EIF4E2: variants seen among roughly 807,000 people sequenced by gnomAD.
EIF4E2 encodes the protein eukaryotic translation initiation factor 4E family member 2.
In EIF4E2, 13 loss-of-function variants were observed where a neutral mutation model predicts 34.2. That is an observed-to-expected ratio of 0.38 (90% CI 0.25 to 0.60). The LOEUF (loss-of-function observed/expected upper bound fraction) is 0.60. Ranked by LOEUF, EIF4E2 falls within the 20% of genes least tolerant of loss-of-function variation. The pLI is 0.62. For synonymous variants in EIF4E2, 100 were observed against 106.6 expected (o/e 0.94, Z 0.38); for missense variants, 222 against 315.1 (o/e 0.70, Z 2.24).
downstream of EIF4E2, chr2:232,573,935 T>G: frequency 8.2e-6 from 4 of 487,144 alleles, no homozygotes. Flanking sequence ...TTGGAAGTGT[T>G]TTTGGTGACA....
intron 1 of EIF4E2, among the ~76,000 whole-genome samples, chr2:232,552,394 G>T (rs992215590): frequency 2.0e-4 from 30 of 151,966 alleles, no homozygotes; most frequent in African/African-American, 7.3e-4. Context: ...TGTATTTTTT[G>T]TAGAGACGGG....
intron 6 of EIF4E2, chr2:232,567,602 T>C (rs778619944): frequency 3.6e-5 from 41 of 1,150,928 alleles, no homozygotes; most frequent in Admixed American, 4.5e-5. Flanking sequence ...CATGTCTTTT[T>C]AACTTGTTAG....
chr2:232,573,409 T>C (rs1166663093), downstream of EIF4E2, among the ~76,000 whole-genome samples: 2 of 152,152 alleles, frequency 1.3e-5, no homozygotes, highest in Non-Finnish European at 1.5e-5. Flanking sequence ...ATTTTGGGGC[T>C]GAAAAGTGGC....
intron 6 of EIF4E2, among the ~76,000 whole-genome samples, chr2:232,577,463 A>G (rs1245696540): frequency 1.3e-5 from 2 of 152,214 alleles, no homozygotes; most frequent in African/African-American, 4.8e-5. Flanking sequence ...GACATTCTGA[A>G]TGACCACTTT....
chr2:232,552,156 C>G (rs1046285617), intron 1 of EIF4E2, among the ~76,000 whole-genome samples: 2 of 152,128 alleles, frequency 1.3e-5, no homozygotes, highest in East Asian at 3.8e-4. Context: ...ATTTGGGAGT[C>G]TGCAGTAAGA....
chr2:232,558,120 G>C, intron 3 of EIF4E2, 102 bp downstream of exon 3: 1 of 1,478,402 alleles, frequency 6.8e-7, no homozygotes, highest in Middle Eastern at 1.9e-4. Flanking sequence ...TAAGATTCTG[G>C]TTTTCTTAAT....
rs763222158 is a variant in EIF4E2 at position 232,558,064 on chromosome 2, A to G, written c.270+46A>G. On this transcript the variant is annotated intron_variant, in intron 3 of 6. Coordinates refer to ENST00000258416, the MANE Select transcript of EIF4E2 (RefSeq NM_004846.4). ...TGGAGTGTGCCTTGATAGTTCGTTC[A>G]TGCCTGTATTGATATGATGTTTATT... The G allele has an allele frequency of 8.7e-6, 14 of 1,601,486 alleles. No individual in the cohort carries two copies. In the Admixed American group the frequency reaches 2.4e-4, roughly 27 times the overall value.
chr2:232,576,633 GA>G (rs748110851), intron 6 of EIF4E2, among the ~76,000 whole-genome samples: 42 of 152,218 alleles, frequency 2.8e-4, no homozygotes, highest in Non-Finnish European at 4.9e-4. Flanking sequence ...AAGTAGGGGG[GA>G]AAAATGAATT....
intron 6 of EIF4E2, among the ~76,000 whole-genome samples, chr2:232,574,724 A>G (rs1048033807): frequency 6.6e-6 from 1 of 152,230 alleles, no homozygotes; most frequent in Non-Finnish European, 1.5e-5. Flanking sequence ...ACAGGCCCCA[A>G]CATGAGTTAC....
At position 232,567,177 on chromosome 2, in the gene EIF4E2, A is replaced by G; in HGVS notation, c.628A>G (p.Thr210Ala). Residue 210 changes from threonine to alanine, a missense_variant, in exon 6 of 7, where the codon ACC becomes GCC. Around this residue, in one of 3 missense-constraint regions of EIF4E2, gnomAD observed 105 missense variants for 195.1 expected, o/e 0.54. Transcript: ENST00000258416. The part of the protein sequence containing the change: ...LRRVLNLPPN[T>A]IMEYKTHTDS... ...GCGAGTGCTTAACCTACCTCCCAAC[A>G]CCATTATGGAATACAAAACTCACAC... 1 of 1,614,144 alleles carries G rather than the reference A, an allele frequency of 6.2e-7. No individual in the cohort carries two copies.
chr2:232,568,222 T>G (rs925705928), intron 6 of EIF4E2: 1 of 985,300 alleles, frequency 1.0e-6, no homozygotes, highest in South Asian at 4.7e-5. Context: ...CCAGCAATTA[T>G]GTTCAGCAGA....
At chr2:232,551,286 T>C in intron 1 of EIF4E2, 1 of 471,774 alleles carries the variant, frequency 2.1e-6, no homozygotes, top group South Asian at 1.5e-5. Context: ...AGACTCTTCC[T>C]ACTTTCTTTC....
chr2:232,558,743 G>GT, intron 3 of EIF4E2: 1 of 152,218 alleles, frequency 6.6e-6, no homozygotes, highest in Non-Finnish European at 1.5e-5. Flanking sequence ...AATTTTGAAA[G>GT]TTTTGTATTT....
At chr2:232,582,212 T>C (rs1693375934) in exon 7 of EIF4E2, 1 of 152,650 alleles carries the variant, frequency 6.6e-6, no homozygotes. Context: ...TTGGCTCTTG[T>C]GAGCAAAGAC....
intron 2 of EIF4E2, 96 bp from the exon 3 acceptor site, chr2:232,557,788 T>C: frequency 7.3e-7 from 1 of 1,378,186 alleles, no homozygotes; most frequent in Non-Finnish European, 1.0e-6. Flanking sequence ...CCTTTTTTAA[T>C]TGTGGAGGTG....
intron 3 of EIF4E2, among the ~76,000 whole-genome samples, chr2:232,559,323 TAAAC>T: frequency 6.6e-6 from 1 of 151,966 alleles, no homozygotes; most frequent in East Asian, 1.9e-4. Context: ...CCTGATGTCT[TAAAC>T]AAAAATGAAT....
chr2:232,567,502 AC>A (rs1438485246), intron 6 of EIF4E2: 2 of 1,252,372 alleles, frequency 1.6e-6, no homozygotes, highest in African/African-American at 3.1e-5. Context: ...TCATATGCTA[AC>A]CACTATCTTA....
intron 4 of EIF4E2, among the ~76,000 whole-genome samples, chr2:232,564,605 C>T (rs1339033661): frequency 4.6e-5 from 7 of 152,224 alleles, no homozygotes; most frequent in Non-Finnish European, 7.3e-5. Flanking sequence ...CGCCCACCAC[C>T]GCGCCCGGCT....
At chr2:232,567,597 C>T (rs1281239627) in intron 6 of EIF4E2, 16 of 1,161,500 alleles carry the variant, frequency 1.4e-5, no homozygotes, top group Non-Finnish European at 1.7e-5. Context: ...TTCTGCATGT[C>T]TTTTTAACTT....
Sources: allele counts gnomAD v4.1 joint callset (sites outside exome capture counted in the v4.1 genomes callset), GRCh38; gene constraint gnomAD v4.1.1; regional missense constraint gnomAD v4.1.1; transcripts MANE v1.5; gene names NCBI Gene and HGNC (gene_info 2026-07-23, HGNC 2026-07-21).